The following ZNF676 variants were observed in gnomAD, a reference collection of about 807,000 sequenced individuals.
ZNF676 encodes zinc finger protein 676.
A neutral mutation model predicts 6.0 loss-of-function variants in ZNF676; 4 were observed. That is an observed-to-expected ratio of 0.67 (90% CI 0.33 to 1.53). The LOEUF is 1.53. ZNF676 is among the 40% of genes most tolerant of loss of function. ZNF676 has a pLI of 0.06. For missense variants in ZNF676, 644 were observed against 679.7 expected, an observed-to-expected ratio of 0.95 and a Z score of 0.58; for synonymous variants, 198 against 223.1, an observed-to-expected ratio of 0.89 and a Z score of 1.00.
At position 22,180,062 on chromosome 19, in the gene ZNF676, T is replaced by A; in HGVS notation, c.1655A>T (p.Lys552Met). ...FSRSSSLTRHKRIHTGEKPYK... is the reference protein window; with the variant it reads ...FSRSSSLTRHMRIHTGEKPYK... ...GGGTTTCTCTCCAGTATGAATTCTC[T>A]TGTGTCTAGTAAGGCTTGAGGATCT... The change falls in exon 3 of 3, where the codon AAG (lysine) becomes ATG (methionine). Residue 552 changes from lysine (K) to methionine (M), a missense_variant. Lys to Met is a moderately conservative substitution (Grantham distance 95). Around this residue, in one of 5 missense-constraint regions of ZNF676, gnomAD observed 306 missense variants for 265.4 expected, o/e 1.15. Transcript: ENST00000397121. 1 of 1,613,894 alleles carries A rather than the reference T, an allele frequency of 6.2e-7. No individual in the cohort carries two copies. Among genetic ancestry groups the A allele is most frequent in the Non-Finnish European group, 8.5e-7 (1 of 1,179,856 alleles).
At chr19:22,199,398 A>C (rs1432533123), upstream of ZNF676, among the ~76,000 whole-genome samples, 1 of 152,242 alleles carries the variant, frequency 6.6e-6, no homozygotes, top group Non-Finnish European at 1.5e-5. Context: ...AGAAAGCAGC[A>C]ATTTCTGAGT....
At chr19:22,211,316 G>T (rs1310899481) in intron 1 of ZNF676, among the ~76,000 whole-genome samples, 2 of 152,092 alleles carry the variant, frequency 1.3e-5, no homozygotes, top group South Asian at 2.1e-4. Context: ...ACATCTGCAG[G>T]AAAGGCTTTC....
At chr19:22,248,734 G>GT in the ZNF676 span, among the ~76,000 whole-genome samples, 2 of 151,844 alleles carry the variant, frequency 1.3e-5, no homozygotes, top group Non-Finnish European at 2.9e-5. Flanking sequence ...TTGTTTGTTT[G>GT]TTTGTTTGTT....
rs1371519731 is a variant in ZNF676 at position 22,180,363 on chromosome 19, C to T, written c.1354G>A (p.Glu452Lys). The T allele has an allele frequency of 1.2e-6, 2 of 1,613,968 alleles. No individual in the cohort carries two copies. The highest frequency in any genetic ancestry group is 1.7e-6 in the Non-Finnish European group (2 of 1,179,926). Residue 452 changes from glutamate to lysine, a missense_variant, in exon 3 of 3, where the codon GAA (glutamate) becomes AAA (lysine). By Grantham distance (56) the Glu-to-Lys change is moderately conservative. Around this residue, in one of 5 missense-constraint regions of ZNF676, gnomAD observed 306 missense variants for 265.4 expected, o/e 1.15. Transcript: ENST00000397121. ...IHAGEKPYKC[E>K]ECGKAFTWSS... ...CAGGTGAAGGCTTTGCCACATTCTT[C>T]ACATTTGTAGGGTTTCTCTCCAGCA... is the stretch of plus-strand genomic sequence containing the variant.
chr19:22,219,712 A>G (rs1384383982), upstream of ZNF676, among the ~76,000 whole-genome samples: 8 of 151,066 alleles, frequency 5.3e-5, no homozygotes, highest in Non-Finnish European at 4.4e-5. Flanking sequence ...CTGGAGTGCA[A>G]TGTCAGGATC....
chr19:22,187,415 G>A (rs1198664069), intron 2 of ZNF676, among the ~76,000 whole-genome samples: 2 of 152,106 alleles, frequency 1.3e-5, no homozygotes, highest in Non-Finnish European at 2.9e-5. Context: ...ACAAGAGAAA[G>A]CAGGAAAGAT....
chr19:22,224,264 T>A, the ZNF676 span, among the ~76,000 whole-genome samples: 37 of 151,264 alleles, frequency 2.4e-4, no homozygotes, highest in African/African-American at 8.7e-4. Flanking sequence ...GTCAGTTTCT[T>A]AATATCAGTG....
chr19:22,179,802 A>G lies in ZNF676; in HGVS notation c.*148T>C, dbSNP rs1334531307. 1.0e-6 allele frequency: 1 copy of G among 959,594 alleles called. No individual in the cohort carries two copies. Among genetic ancestry groups the G allele is most frequent in the Non-Finnish European group, 1.6e-6 (1 of 608,540 alleles). The allele number at this position is 959,594 out of a possible 1,614,324, so 59.4% of individuals were successfully genotyped here. Reference sequence around the variant, plus strand: ...CACGTTTGTAGTGTTTCTCTCCAGCATGAATTTTCTTATGTGTAATAAAGA... The same window carrying G: ...CACGTTTGTAGTGTTTCTCTCCAGCGTGAATTTTCTTATGTGTAATAAAGA... On this transcript the variant is annotated 3_prime_UTR_variant, in exon 3 of 3. Transcript: ENST00000397121.
intron 2 of ZNF676, among the ~76,000 whole-genome samples, chr19:22,190,630 C>CATATATATATAT (rs74174059): frequency 0.026 from 1,747 of 66,500 alleles, 58 homozygotes; most frequent in Non-Finnish European, 0.037. Flanking sequence ...TAGAATGCAA[C>CATATATATATAT]ATATATATAT....
the ZNF676 span, among the ~76,000 whole-genome samples, chr19:22,227,899 A>T: frequency 1.6e-4 from 24 of 152,314 alleles, no homozygotes; most frequent in South Asian, 5.0e-3. Flanking sequence ...CTGGGACCAG[A>T]CAGATTCACA....
chr19:22,246,652 T>G, the ZNF676 span, among the ~76,000 whole-genome samples: 2 of 152,152 alleles, frequency 1.3e-5, no homozygotes, highest in South Asian at 4.1e-4. Flanking sequence ...ATCTCCACTG[T>G]AGGAAGGTCT....
chr19:22,234,276 A>G, the ZNF676 span, among the ~76,000 whole-genome samples: 1 of 152,162 alleles, frequency 6.6e-6, no homozygotes, highest in Non-Finnish European at 1.5e-5. Context: ...CTGTCAAATG[A>G]TCATAGGGAA....
At chr19:22,195,453 G>A (rs781144906) in intron 1 of ZNF676, among the ~76,000 whole-genome samples, 4 of 152,118 alleles carry the variant, frequency 2.6e-5, no homozygotes, top group Non-Finnish European at 4.4e-5. Flanking sequence ...TATCGTGTCC[G>A]CAGACCCTTA....
At position 22,179,930 on chromosome 19, in the gene ZNF676, T is replaced by G; in HGVS notation, c.*20A>C. ...CTAGACTGAGAATCAGCTGAAGGATTTACCACATTCTTCACATTTTTAGGG... is the reference window on the plus strand; with the variant it reads ...CTAGACTGAGAATCAGCTGAAGGATGTACCACATTCTTCACATTTTTAGGG... On this transcript the variant is annotated 3_prime_UTR_variant, in exon 3 of 3. Coordinates refer to ENST00000397121, the MANE Select transcript of ZNF676 (RefSeq NM_001001411.3). The G allele has an allele frequency of 6.2e-7, 1 of 1,604,548 alleles. No individual in the cohort carries two copies. The highest frequency in any genetic ancestry group is 1.7e-5 in the Admixed American group (1 of 59,598).
At chr19:22,201,737 A>G (rs2024028142), upstream of ZNF676, among the ~76,000 whole-genome samples, 2 of 63,994 alleles carry the variant, frequency 3.1e-5, no homozygotes, top group South Asian at 1.0e-3. Context: ...AAGGCAAAAA[A>G]AAAAAAAAAA....
At chr19:22,213,902 C>T (rs922435094) in intron 1 of ZNF676, among the ~76,000 whole-genome samples, 1 of 152,202 alleles carries the variant, frequency 6.6e-6, no homozygotes, top group Non-Finnish European at 1.5e-5. Flanking sequence ...CTCCCTATAA[C>T]TTTTCCAAAG....
the ZNF676 span, among the ~76,000 whole-genome samples, chr19:22,226,474 C>T: frequency 6.6e-6 from 1 of 152,088 alleles, no homozygotes; most frequent in Non-Finnish European, 1.5e-5. Flanking sequence ...TTGTTTACCA[C>T]TGTAGGTTGT....
At chr19:22,181,676 A>G (rs543569355) in intron 2 of ZNF676, 90 bp from the exon 3 acceptor site, 4 of 1,055,702 alleles carry the variant, frequency 3.8e-6, no homozygotes, top group Non-Finnish European at 5.3e-6. Flanking sequence ...TATTCAAACT[A>G]CATAAGCAAG....
chr19:22,200,150 C>T (rs1413232355), upstream of ZNF676, among the ~76,000 whole-genome samples: 2 of 151,694 alleles, frequency 1.3e-5, no homozygotes, highest in Non-Finnish European at 2.9e-5. Context: ...CTTAAGTAAA[C>T]TTAAATCTGA....
Sources: gnomAD v4.1 joint callset for allele counts (sites outside exome capture counted in the v4.1 genomes callset) on GRCh38, gnomAD v4.1.1 for gene constraint, gnomAD v4.1.1 regional missense constraint, MANE v1.5 for transcripts, NCBI Gene and HGNC (gene_info 2026-07-23, HGNC 2026-07-21) for gene names.